The following GPHN variants were observed in gnomAD, a reference collection of about 807,000 sequenced individuals.
GPHN encodes the protein gephyrin.
A neutral mutation model predicts 95.5 loss-of-function variants in GPHN; 17 were observed. That is an observed-to-expected ratio of 0.18 (90% CI 0.12 to 0.27). GPHN has a LOEUF of 0.27. GPHN is among the 10% of genes least tolerant of loss of function. The pLI, the probability that GPHN is intolerant of heterozygous loss-of-function variation, is 1.00. For synonymous variants in GPHN, 320 were observed against 322.5 expected, an observed-to-expected ratio of 0.99 and a Z score of 0.08; for missense variants, 660 against 978.1, an observed-to-expected ratio of 0.67 and a Z score of 4.34.
At chr14:67,685,243 T>A in the GPHN span, 1 of 1,565,266 alleles carries the variant, frequency 6.4e-7, no homozygotes, top group Non-Finnish European at 8.7e-7. Context: ...AAGACAGGAC[T>A]TGATTTTGCA....
chr14:67,476,682 G>C, the GPHN span, among the ~76,000 whole-genome samples: 1 of 152,128 alleles, frequency 6.6e-6, no homozygotes, highest in Non-Finnish European at 1.5e-5. Context: ...CTCAGAGAGG[G>C]GACATTATTT....
intron 1 of GPHN, among the ~76,000 whole-genome samples, chr14:66,585,448 T>A (rs1316020427): frequency 6.6e-6 from 1 of 152,228 alleles, no homozygotes; most frequent in African/African-American, 2.4e-5. Context: ...ATGTGTTTGC[T>A]CTTGCTTCTC....
At chr14:66,706,857 A>G (rs1216877663) in intron 2 of GPHN, among the ~76,000 whole-genome samples, 1 of 152,134 alleles carries the variant, frequency 6.6e-6, no homozygotes, top group African/African-American at 2.4e-5. Context: ...AAAAGAAACT[A>G]TCCTCAGAGT....
intron 9 of GPHN, among the ~76,000 whole-genome samples, chr14:67,006,941 C>T (rs1455662138): frequency 6.6e-6 from 1 of 152,174 alleles, no homozygotes; most frequent in Non-Finnish European, 1.5e-5. Flanking sequence ...TTCACAGCCT[C>T]ATCATCCAGC....
At chr14:66,633,741 C>T (rs952831304) in intron 1 of GPHN, among the ~76,000 whole-genome samples, 2 of 152,066 alleles carry the variant, frequency 1.3e-5, no homozygotes, top group Non-Finnish European at 1.5e-5. Context: ...GTAAGTTAAA[C>T]GTCTTTGTCC....
At chr14:66,543,915 GT>G (rs554738889) in intron 1 of GPHN, among the ~76,000 whole-genome samples, 48 of 152,154 alleles carry the variant, frequency 3.2e-4, no homozygotes, top group Admixed American at 5.9e-4. Context: ...AACAGCCTGA[GT>G]GATCCCTTCA....
chr14:66,817,477 G>A (rs1304899535), intron 3 of GPHN, among the ~76,000 whole-genome samples: 2 of 152,132 alleles, frequency 1.3e-5, no homozygotes, highest in South Asian at 2.1e-4. Context: ...AATGTTAACT[G>A]TGAAACTAGT....
intron 18 of GPHN, among the ~76,000 whole-genome samples, chr14:67,153,430 C>A (rs1164685887): frequency 6.6e-6 from 1 of 152,214 alleles, no homozygotes; most frequent in Non-Finnish European, 1.5e-5. Flanking sequence ...CTTTTACCCT[C>A]ACATGGCAGA....
chr14:67,206,877 C>A, the GPHN span, among the ~76,000 whole-genome samples: 1 of 151,972 alleles, frequency 6.6e-6, no homozygotes, highest in Non-Finnish European at 1.5e-5. Flanking sequence ...ATTACAGGTG[C>A]CCACCACACG....
At chr14:67,464,747 T>C in the GPHN span, among the ~76,000 whole-genome samples, 3 of 152,210 alleles carry the variant, frequency 2.0e-5, no homozygotes, top group African/African-American at 7.2e-5. Context: ...CACACCACCC[T>C]GTTTTAATTG....
At chr14:67,073,140 A>G (rs2076372651) in intron 11 of GPHN, among the ~76,000 whole-genome samples, 2 of 152,120 alleles carry the variant, frequency 1.3e-5, no homozygotes. Context: ...CTTAACAGTT[A>G]TTTTTAGAAT....
At chr14:66,715,921 A>G (rs1404597810) in intron 2 of GPHN, among the ~76,000 whole-genome samples, 1 of 152,060 alleles carries the variant, frequency 6.6e-6, no homozygotes, top group East Asian at 1.9e-4. Context: ...TATCTTGGAG[A>G]AAGTTCCATG....
the GPHN span, among the ~76,000 whole-genome samples, chr14:67,597,215 T>C: frequency 6.6e-6 from 1 of 152,236 alleles, no homozygotes; most frequent in African/African-American, 2.4e-5. Context: ...TGGTGGCTCA[T>C]GCCTATAATC....
intron 2 of GPHN, among the ~76,000 whole-genome samples, chr14:66,733,612 C>T (rs1017447490): frequency 1.3e-5 from 2 of 151,914 alleles, no homozygotes; most frequent in Non-Finnish European, 2.9e-5. Context: ...CTAAATATTC[C>T]TTTATTTACT....
chr14:67,661,329 T>C, the GPHN span, among the ~76,000 whole-genome samples: 17 of 110,902 alleles, frequency 1.5e-4, no homozygotes, highest in South Asian at 5.3e-3. Context: ...AAGCCACAGG[T>C]GAAGAGAAGC....
intron 1 of GPHN, among the ~76,000 whole-genome samples, chr14:66,527,548 A>G (rs549368415): frequency 4.6e-5 from 7 of 151,862 alleles, no homozygotes; most frequent in African/African-American, 1.7e-4. Flanking sequence ...AGTTCTTTTA[A>G]TTGTGATGTT....
intron 9 of GPHN, among the ~76,000 whole-genome samples, chr14:67,022,067 A>G (rs2073661036): frequency 6.6e-6 from 1 of 151,078 alleles, no homozygotes; most frequent in Non-Finnish European, 1.5e-5. Flanking sequence ...TTCTCTCTTT[A>G]TTAAGCTTGT....
chr14:67,365,705 A>T, the GPHN span, among the ~76,000 whole-genome samples: 1 of 152,156 alleles, frequency 6.6e-6, no homozygotes, highest in African/African-American at 2.4e-5. Context: ...ATAATTTGTT[A>T]GGTGTTAGTT....
At chr14:67,590,024 A>G in the GPHN span, 1 of 1,507,978 alleles carries the variant, frequency 6.6e-7, no homozygotes, top group East Asian at 2.5e-5. Flanking sequence ...ACCAGCCCCT[A>G]TGGCTTAAGA....
Sources: allele counts gnomAD v4.1 joint callset (sites outside exome capture counted in the v4.1 genomes callset), GRCh38; gene constraint gnomAD v4.1.1; transcripts MANE v1.5; gene names NCBI Gene and HGNC (gene_info 2026-07-23, HGNC 2026-07-21).